SPATA13: variants seen among roughly 807,000 people sequenced by gnomAD.
The protein encoded by SPATA13 is spermatogenesis associated 13.
Under a neutral mutation model 104.0 loss-of-function variants are expected in SPATA13, and 50 were observed. That is an observed-to-expected ratio of 0.48 (90% CI 0.38 to 0.61). The LOEUF (loss-of-function observed/expected upper bound fraction) is 0.61, where lower values mean the gene tolerates loss of function less well. Ranked by LOEUF, SPATA13 falls within the 20% of genes least tolerant of loss-of-function variation. The pLI, the probability that SPATA13 is intolerant of heterozygous loss-of-function variation, is 0.00. For missense variants in SPATA13, 1,524 were observed against 1,690.6 expected (o/e 0.90, Z 1.73); for synonymous variants, 606 against 667.5 (o/e 0.91, Z 1.42).
At chr13:24,155,204 C>G (rs1186994446) in intron 3 of SPATA13, among the ~76,000 whole-genome samples, 3 of 152,060 alleles carry the variant, frequency 2.0e-5, no homozygotes, top group African/African-American at 7.2e-5. Context: ...GCAGTTTGCC[C>G]AAAGCACCCA....
At chr13:24,213,316 G>C (rs143144511) in intron 1 of SPATA13, among the ~76,000 whole-genome samples, 359 of 152,324 alleles carry the variant, frequency 2.4e-3, no homozygotes, top group Non-Finnish European at 3.9e-3. Context: ...ACCCAGGCTG[G>C]AGTGCAGTGG....
At chr13:24,207,628 A>T (rs1593418900) in intron 1 of SPATA13, among the ~76,000 whole-genome samples, 2 of 152,292 alleles carry the variant, frequency 1.3e-5, no homozygotes, top group Middle Eastern at 6.8e-3. Context: ...TTCTAAATAG[A>T]TGTGAAGTGG....
At chr13:24,006,142 G>A (rs1045097083) in intron 2 of SPATA13, among the ~76,000 whole-genome samples, 2 of 152,324 alleles carry the variant, frequency 1.3e-5, no homozygotes, top group African/African-American at 4.8e-5. Flanking sequence ...TCTATTATTA[G>A]GTGAGAGGTT....
chr13:23,997,967 T>A (rs913146706), intron 2 of SPATA13, among the ~76,000 whole-genome samples: 1 of 152,168 alleles, frequency 6.6e-6, no homozygotes, highest in Non-Finnish European at 1.5e-5. Flanking sequence ...ATGCAGCCAG[T>A]TGGGAATGAA....
intron 2 of SPATA13, among the ~76,000 whole-genome samples, chr13:23,994,574 C>T (rs1280375546): frequency 1.3e-5 from 2 of 152,188 alleles, no homozygotes; most frequent in South Asian, 2.1e-4. Context: ...GGGTAGGTCC[C>T]GCTAATTATC....
At chr13:24,007,768 A>T (rs1251608074) in intron 2 of SPATA13, among the ~76,000 whole-genome samples, 1 of 152,234 alleles carries the variant, frequency 6.6e-6, no homozygotes, top group Non-Finnish European at 1.5e-5. Flanking sequence ...AAGCCCAGCC[A>T]GGGTTTTTTC....
chr13:24,286,659 C>T lies in SPATA13; in HGVS notation c.2482-106C>T. 8 of 1,139,256 alleles carry T rather than the reference C, an allele frequency of 7.0e-6. No homozygotes were observed. The highest frequency in any genetic ancestry group is 9.9e-6 in the Non-Finnish European group (8 of 809,872). 70.6% of individuals were successfully genotyped at this position (1,139,256 alleles called of 1,614,324 possible). A position where few individuals can be genotyped will look rare whatever the true frequency, so the allele number is the denominator to read the frequency against. On this transcript the variant is annotated intron_variant, in intron 6 of 12. Coordinates refer to ENST00000382108, the MANE Select transcript of SPATA13 (RefSeq NM_001166271.3). The surrounding 1 kb of genome is among the most constrained non-coding windows in gnomAD (Gnocchi z 4.9). ...GAGACTCAGGCGAGGGCCAGGCTGC[C>T]TTCCTAACAGGTCACAGGAAAGTAG...
chr13:24,143,768 G>C (rs928162397), intron 3 of SPATA13, among the ~76,000 whole-genome samples: 7 of 152,192 alleles, frequency 4.6e-5, no homozygotes, highest in African/African-American at 1.7e-4. Flanking sequence ...TTGATGCCAT[G>C]TCTTGCTATA....
intron 5 of SPATA13, among the ~76,000 whole-genome samples, chr13:24,285,743 C>G (rs1178911903): frequency 6.7e-6 from 1 of 149,214 alleles, no homozygotes; most frequent in Non-Finnish European, 1.5e-5. Context: ...TGCAATGGCA[C>G]GATCTCCGCT....
chr13:23,985,158 C>T (rs1231954879), intron 2 of SPATA13, among the ~76,000 whole-genome samples: 1 of 152,250 alleles, frequency 6.6e-6, no homozygotes, highest in Non-Finnish European at 1.5e-5. Flanking sequence ...AATGCCCTTT[C>T]TTCCCGTCTG....
At chr13:24,081,824 T>C (rs1352508269) in intron 3 of SPATA13, among the ~76,000 whole-genome samples, 1 of 152,248 alleles carries the variant, frequency 6.6e-6, no homozygotes, top group Non-Finnish European at 1.5e-5. Flanking sequence ...TTTTCTCTTC[T>C]GTCCCCCTGG....
chr13:24,092,195 A>G (rs983675532), intron 3 of SPATA13, among the ~76,000 whole-genome samples: 4 of 152,200 alleles, frequency 2.6e-5, no homozygotes, highest in African/African-American at 9.6e-5. Context: ...AACTTCTCCA[A>G]TGTTGATCTT....
intron 2 of SPATA13, among the ~76,000 whole-genome samples, chr13:24,243,774 T>C (rs17080513): frequency 0.013 from 1,978 of 152,292 alleles, 41 homozygotes; most frequent in African/African-American, 0.046. Flanking sequence ...TTGACCCCTG[T>C]ATGTGAATTC....
At chr13:23,999,866 T>G (rs2765175) in intron 2 of SPATA13, among the ~76,000 whole-genome samples, 117,089 of 152,144 alleles carry the variant, frequency 0.77, 45,243 homozygotes, top group African/African-American at 0.82. Flanking sequence ...TAGATACTTA[T>G]GCAAAGCAAA....
intron 3 of SPATA13, among the ~76,000 whole-genome samples, chr13:24,078,922 T>C (rs942789413): frequency 6.6e-6 from 1 of 152,234 alleles, no homozygotes; most frequent in African/African-American, 2.4e-5. Flanking sequence ...TGGGCACAGC[T>C]TCTTGGTAAT....
chr13:24,001,564 A>G (rs1178854038), intron 2 of SPATA13, among the ~76,000 whole-genome samples: 1 of 151,840 alleles, frequency 6.6e-6, no homozygotes, highest in Non-Finnish European at 1.5e-5. Context: ...GTTAGGGTCA[A>G]TCCCATGAAT....
chr13:24,013,495 T>C, intron 2 of SPATA13, among the ~76,000 whole-genome samples: 1 of 149,522 alleles, frequency 6.7e-6, no homozygotes, highest in Non-Finnish European at 1.5e-5. Flanking sequence ...CTACCTACTC[T>C]GAGAATGGGG....
Position 24,051,491 on chromosome 13 carries a change from G to A in SPATA13, c.-112+33790G>A, listed in dbSNP as rs1268987620. Among the ~76,000 whole-genome samples the A allele has an allele frequency of 6.6e-6, 1 of 152,186 alleles. No homozygotes were observed. The highest frequency in any genetic ancestry group is 1.5e-5 in the Non-Finnish European group (1 of 68,036). On this transcript the variant is annotated intron_variant, in intron 3 of 14. Coordinates refer to the SPATA13 transcript ENST00000424834. This position sits in a 1 kb window ranked among gnomAD's most constrained non-coding sequence, Gnocchi z 4.2. ...CACCTGCCTGGGCGATGGCACTTGG[G>A]ACATACTCATGCACACCCAACCCTT...
intron 1 of SPATA13, among the ~76,000 whole-genome samples, chr13:24,167,019 G>T (rs952905571): frequency 2.0e-5 from 3 of 152,198 alleles, no homozygotes; most frequent in Non-Finnish European, 4.4e-5. Context: ...TTACCAGGGT[G>T]CCTTTAAATA....
Sources: allele counts gnomAD v4.1 joint callset (sites outside exome capture counted in the v4.1 genomes callset), GRCh38; gene constraint gnomAD v4.1.1; non-coding constraint Gnocchi (gnomAD v3.1); transcripts MANE v1.5; gene names NCBI Gene and HGNC (gene_info 2026-07-23, HGNC 2026-07-21).